The following MYO5A variants were observed in gnomAD, a reference collection of about 807,000 sequenced individuals.
MYO5A encodes myosin VA.
A neutral mutation model predicts 249.7 loss-of-function variants in MYO5A; 98 were observed. The ratio of observed to expected loss-of-function variants is 0.39; its 90% CI spans 0.33 to 0.46. The LOEUF is 0.46. Among genes scored for constraint, MYO5A ranks in the 20% least tolerant of loss-of-function variants. The pLI is 0.98. For synonymous variants in MYO5A, 778 were observed against 810.6 expected (o/e 0.96, Z 0.68); for missense variants, 1,696 against 2,308.8 (o/e 0.73, Z 5.44).
At chr15:52,314,009 T>C in intron 41 of MYO5A, 114 bp downstream of exon 41, 1 of 1,279,160 alleles carries the variant, frequency 7.8e-7, no homozygotes, top group Non-Finnish European at 1.1e-6. Context: ...TCAAAAAAGT[T>C]AGTGCATTGT....
chr15:52,488,698 A>G (rs1338565178), intron 1 of MYO5A, among the ~76,000 whole-genome samples: 2 of 152,240 alleles, frequency 1.3e-5, no homozygotes, highest in Non-Finnish European at 2.9e-5. Context: ...GGGAAAAAGA[A>G]GAAATGAAGC....
rs750736936 is a variant in MYO5A at position 52,405,036 on chromosome 15, TTC to T, written c.1053+249_1053+250del. On this transcript the variant is annotated intron_variant, in intron 9 of 41. Transcript: ENST00000399233. Reference sequence around the variant, plus strand: ...ATCTCATCTATCCAACCCTCTCTCTTTCTCTCTCTCTCTGTCACACACACACA... The same window carrying T: ...ATCTCATCTATCCAACCCTCTCTCTTTCTCTCTCTCTGTCACACACACACA... 4.1e-5 allele frequency among the ~76,000 whole-genome samples: 4 copies of T among 97,132 alleles called. No individual in the cohort carries two copies. The East Asian group carries it at 1.4e-3, about 35-fold the overall frequency. 63.7% of individuals were successfully genotyped at this position (97,132 alleles called of 152,430 possible). A position where few individuals can be genotyped will look rare whatever the true frequency, so the allele number is the denominator to read the frequency against.
chr15:52,445,509 A>C (rs2075870102), intron 1 of MYO5A, among the ~76,000 whole-genome samples: 1 of 152,242 alleles, frequency 6.6e-6, no homozygotes, highest in African/African-American at 2.4e-5. Flanking sequence ...ATTGCCTCAC[A>C]TACAGATAAC....
At chr15:52,375,798 T>C (rs1026423140) in intron 19 of MYO5A, among the ~76,000 whole-genome samples, 4 of 152,238 alleles carry the variant, frequency 2.6e-5, no homozygotes, top group East Asian at 1.9e-4. Context: ...TGCCTCTTTA[T>C]AGAACAGACA....
intron 1 of MYO5A, among the ~76,000 whole-genome samples, chr15:52,481,761 T>C (rs2076719571): frequency 6.6e-6 from 1 of 152,158 alleles, no homozygotes; most frequent in South Asian, 2.1e-4. Flanking sequence ...AGAATCACTG[T>C]AGCAAGAAAT....
chr15:52,386,616 C>T (rs1039238897), intron 14 of MYO5A, among the ~76,000 whole-genome samples: 3 of 151,500 alleles, frequency 2.0e-5, no homozygotes, highest in Admixed American at 6.6e-5. Context: ...GGCACAATTA[C>T]GGCTCACTGC....
intron 1 of MYO5A, among the ~76,000 whole-genome samples, chr15:52,434,493 A>G (rs866178375): frequency 2.0e-5 from 3 of 152,258 alleles, no homozygotes; most frequent in Middle Eastern, 6.8e-3. Context: ...AAATGGTAAA[A>G]ATGGCACAGC....
chr15:52,384,250 G>A lies in MYO5A; in HGVS notation c.1825C>T (p.Arg609Cys), dbSNP rs192993048. 115 of 1,614,164 alleles carry A rather than the reference G, an allele frequency of 7.1e-5. 1 individual carries two copies. The East Asian group carries it at 1.3e-3, about 18-fold the overall frequency. The stretch of plus-strand genomic sequence containing the variant: ...GCAGGAGTTCGTGTGAGGGGTGTGC[G>A]CCCTGAGGAGGTGGCTGAAGTTGGA... Reference protein sequence around the residue: ...ISPTSATSSGRTPLTRTPAKP... With the variant: ...ISPTSATSSGCTPLTRTPAKP... Residue 609 changes from arginine to cysteine, a missense_variant, in exon 15 of 42, where the codon CGC (arginine) becomes TGC (cysteine). Arg to Cys is a radical substitution (Grantham distance 180, BLOSUM62 -3). Transcript: ENST00000399233.
At chr15:52,447,555 C>T (rs1443331414) in intron 1 of MYO5A, among the ~76,000 whole-genome samples, 2 of 152,030 alleles carry the variant, frequency 1.3e-5, no homozygotes, top group Non-Finnish European at 2.9e-5. Context: ...GGCTTTAGAC[C>T]TGGGTAATGG....
At chr15:52,443,724 A>T (rs984569809) in intron 1 of MYO5A, among the ~76,000 whole-genome samples, 8 of 151,528 alleles carry the variant, frequency 5.3e-5, no homozygotes, top group Admixed American at 3.3e-4. Context: ...AAAAAAAAAA[A>T]GTAAATCACA....
At chr15:52,388,660 C>A (rs1204155240) in intron 13 of MYO5A, among the ~76,000 whole-genome samples, 1 of 152,104 alleles carries the variant, frequency 6.6e-6, no homozygotes, top group East Asian at 1.9e-4. Context: ...TCTAAGTACA[C>A]TATAGAACTT....
chr15:52,504,178 A>G (rs566340111), intron 1 of MYO5A, among the ~76,000 whole-genome samples: 1 of 151,598 alleles, frequency 6.6e-6, no homozygotes, highest in South Asian at 2.1e-4. Context: ...TAGAAAACTG[A>G]TATGTTTCTA....
intron 1 of MYO5A, among the ~76,000 whole-genome samples, chr15:52,450,849 T>TGTTTTTTG (rs60176045): frequency 4.9e-4 from 70 of 143,622 alleles, no homozygotes; most frequent in African/African-American, 1.8e-3. Context: ...TGTGGTTTTT[T>TGTTTTTTG]TTTTTTTTTT....
intron 6 of MYO5A, 70 bp downstream of exon 6, chr15:52,410,263 C>A (rs2043191226): frequency 6.7e-7 from 1 of 1,500,680 alleles, no homozygotes; most frequent in African/African-American, 1.4e-5. Context: ...AAAATGCATA[C>A]CAGCAAGCAT....
In MYO5A at chr15:52,370,415, G is replaced by A. The variant is rs1465708843; in HGVS notation, c.2820C>T (p.Asn940=). Residue 940 remains asparagine, a splice_region_variant and synonymous_variant, in exon 22 of 42, where the codon AAC becomes AAT. Coordinates refer to ENST00000399233, the MANE Select transcript of MYO5A (RefSeq NM_001382347.1). Reference sequence around the variant, plus strand: ...TCTCCACAAGGCATTTGTAGTCTTTGTTCTTTAAACATACACATAAGTAAC... The same window carrying A: ...TCTCCACAAGGCATTTGTAGTCTTTATTCTTTAAACATACACATAAGTAAC... ...MQLQRKVDEQ[N]KDYKCLVEKL... The A allele has an allele frequency of 1.9e-6, 3 of 1,610,056 alleles. No individual in the cohort carries two copies. The highest frequency in any genetic ancestry group is 2.6e-6 in the Non-Finnish European group (3 of 1,176,428).
intron 4 of MYO5A, among the ~76,000 whole-genome samples, chr15:52,423,583 A>C (rs937846513): frequency 1.3e-5 from 2 of 151,422 alleles, no homozygotes; most frequent in African/African-American, 4.9e-5. Flanking sequence ...AATGGCAAGA[A>C]ATGATCCTGC....
rs375817009 is a variant in MYO5A at position 52,417,748 on chromosome 15, CCTCACATG to C, written c.456-1455_456-1448del. Among the ~76,000 whole-genome samples the C allele has an allele frequency of 6.0e-3, 917 of 152,274 alleles. 14 individuals carry two copies. The highest frequency in any genetic ancestry group is 0.021 in the African/African-American group (880 of 41,544). Reference sequence around the variant, plus strand: ...TGAGTTTAAGCTGATTTCCTCTCTGCCTCACATGCTCATGTGCCCTCCTACTACTGAAT... The same window carrying C: ...TGAGTTTAAGCTGATTTCCTCTCTGCCTCATGTGCCCTCCTACTACTGAAT... On this transcript the variant is annotated intron_variant, in intron 4 of 41. Transcript: ENST00000399233.
At chr15:52,433,060 A>C in intron 2 of MYO5A, 115 bp downstream of exon 2, 1 of 797,132 alleles carries the variant, frequency 1.3e-6, no homozygotes, top group Non-Finnish European at 2.2e-6. Context: ...AGTAAGTAAA[A>C]ATTCTAGGTA....
At chr15:52,471,364 G>T (rs972225994) in intron 1 of MYO5A, among the ~76,000 whole-genome samples, 10 of 152,312 alleles carry the variant, frequency 6.6e-5, no homozygotes, top group Non-Finnish European at 8.8e-5. Context: ...AGCACTCTGA[G>T]AGACCAAGGT....
Sources: gnomAD v4.1 joint callset for allele counts (sites outside exome capture counted in the v4.1 genomes callset) on GRCh38, gnomAD v4.1.1 for gene constraint, MANE v1.5 for transcripts, NCBI Gene and HGNC (gene_info 2026-07-23, HGNC 2026-07-21) for gene names.